Variants in EPHA7 observed in about 807,000 individuals in gnomAD.
The protein encoded by EPHA7 is EPH receptor A7.
A neutral mutation model predicts 112.6 loss-of-function variants in EPHA7; 25 were observed. That is an observed-to-expected ratio of 0.22 (90% CI 0.16 to 0.31). EPHA7 has a LOEUF of 0.31. Among genes scored for constraint, EPHA7 ranks in the 10% least tolerant of loss-of-function variants. The pLI, the probability that EPHA7 is intolerant of heterozygous loss-of-function variation, is 1.00. For synonymous variants in EPHA7, 437 were observed against 406.5 expected, an observed-to-expected ratio of 1.07 and a Z score of -0.90; for missense variants, 962 against 1,212.6, an observed-to-expected ratio of 0.79 and a Z score of 3.07.
At chr6:93,329,971 T>G (rs1209596159) in intron 5 of EPHA7, among the ~76,000 whole-genome samples, 1 of 151,344 alleles carries the variant, frequency 6.6e-6, no homozygotes, top group Non-Finnish European at 1.5e-5. Flanking sequence ...GTTTATCTTT[T>G]TACACTAGTT....
chr6:93,241,367 A>AT lies in EPHA7; in HGVS notation c.*2058dup, dbSNP rs1769681799. 2 of 214,146 alleles carry AT rather than the reference A, an allele frequency of 9.3e-6. No individual in the cohort carries two copies. The highest frequency in any genetic ancestry group is 3.7e-4 in the South Asian group (2 of 5,382). The allele number at this position is 214,146 out of a possible 1,614,324, so 13.3% of individuals were successfully genotyped here. A position where few individuals can be genotyped will look rare whatever the true frequency, so the allele number is the denominator to read the frequency against. On this transcript the variant is annotated 3_prime_UTR_variant, in exon 17 of 17. Transcript: ENST00000369303. ...AGAATTGTAAAGTGCTGGACTTAGT[A>AT]TAAACACTTGTACACACTGCAGACA...
Position 93,243,450 on chromosome 6 carries a change from T to A in EPHA7, c.2973A>T (p.Leu991Phe). The A allele has an allele frequency of 6.2e-7, 1 of 1,613,408 alleles. No individual in the cohort carries two copies. Among genetic ancestry groups the A allele is most frequent in the South Asian group, 1.1e-5 (1 of 91,078 alleles). The change falls in exon 17 of 17, where the codon TTA becomes TTT. Residue 991 changes from leucine to phenylalanine, a missense_variant. This residue lies in a region of EPHA7 where 746 missense variants were observed against 889.2 expected (regional missense o/e 0.84). Coordinates refer to ENST00000369303, the MANE Select transcript of EPHA7 (RefSeq NM_004440.4). ...ATCACACTTGAATGCCAGTTCCATG[T>A]AAATGTAGCATTTGTGCTCTCATAG... is the stretch of plus-strand genomic sequence containing the variant. ...IQTMRAQMLH[L>F]HGTGIQV
chr6:93,260,905 ACCT>A (rs1770658640), intron 9 of EPHA7: 1 of 206,922 alleles, frequency 4.8e-6, no homozygotes, highest in Non-Finnish European at 8.4e-6. Flanking sequence ...CAATAGGTTA[ACCT>A]CCTAGATTGG....
At chr6:93,295,809 G>A (rs2127842828) in intron 5 of EPHA7, among the ~76,000 whole-genome samples, 1 of 151,412 alleles carries the variant, frequency 6.6e-6, no homozygotes, top group East Asian at 1.9e-4. Flanking sequence ...TCCTATTTAT[G>A]CCACTTATCT....
At chr6:93,248,115 GAA>G (rs66534883) in intron 14 of EPHA7, among the ~76,000 whole-genome samples, 134 of 150,424 alleles carry the variant, frequency 8.9e-4, no homozygotes, top group African/African-American at 3.2e-3. Context: ...ACCCTCTGAG[GAA>G]AAAAAAAATC....
rs918828703 is a variant in EPHA7, at chr6:93,333,796, T to C, written c.1324+22921A>G. Among the ~76,000 whole-genome samples the C allele has an allele frequency of 1.7e-3, 262 of 151,938 alleles. 3 individuals carry two copies. Among genetic ancestry groups the C allele is most frequent in the Non-Finnish European group, 1.6e-4 (11 of 67,876 alleles). On this transcript the variant is annotated intron_variant, in intron 5 of 16. Coordinates refer to ENST00000369303, the MANE Select transcript of EPHA7 (RefSeq NM_004440.4). The stretch of plus-strand genomic sequence containing the variant: ...AAACACTGCTGAAAGAAATGAGAGA[T>C]AGCACAAGCAAATAGAAAAACATTC...
rs117341478 is a variant in EPHA7, at chr6:93,405,270, T to C, written c.832+5231A>G. 7.7e-3 allele frequency among the ~76,000 whole-genome samples: 1,165 copies of C among 152,004 alleles called. 28 individuals carry two copies. The highest frequency in any genetic ancestry group is 0.037 in the Admixed American group (560 of 15,226). The stretch of plus-strand genomic sequence containing the variant: ...TTCCTTTATAATATCATTGATATTC[T>C]ATAGAGTAAGTTCAATCAAGGTGAT... On this transcript the variant is annotated intron_variant, in intron 3 of 16. Coordinates refer to ENST00000369303, the MANE Select transcript of EPHA7 (RefSeq NM_004440.4).
chr6:93,385,730 T>C (rs1207692141), intron 3 of EPHA7, among the ~76,000 whole-genome samples: 1 of 152,052 alleles, frequency 6.6e-6, no homozygotes, highest in Non-Finnish European at 1.5e-5. Context: ...ATAGATTAGA[T>C]AGCTAGATAG....
intron 5 of EPHA7, among the ~76,000 whole-genome samples, chr6:93,298,910 A>C (rs542807639): frequency 7.2e-5 from 11 of 152,270 alleles, no homozygotes; most frequent in African/African-American, 1.4e-4. Flanking sequence ...CTGCTTTATT[A>C]GTGGAATATC....
At chr6:93,419,214 C>A (rs751176306) in intron 1 of EPHA7, 31 bp downstream of exon 1, 1 of 1,581,046 alleles carries the variant, frequency 6.3e-7, no homozygotes, top group Non-Finnish European at 8.7e-7. Flanking sequence ...ATAAATAAGT[C>A]AGAACAAACT....
At chr6:93,246,717 T>A in intron 15 of EPHA7, 75 bp downstream of exon 15, 3 of 1,242,322 alleles carry the variant, frequency 2.4e-6, no homozygotes, top group Non-Finnish European at 3.4e-6. Flanking sequence ...GCCATTGTGG[T>A]GGGGTGGAGG....
intron 3 of EPHA7, among the ~76,000 whole-genome samples, chr6:93,405,208 TTG>T (rs1269094880): frequency 6.6e-6 from 1 of 151,890 alleles, no homozygotes; most frequent in African/African-American, 2.4e-5. Flanking sequence ...ATACAAATTT[TTG>T]TTTTTCATTC....
At chr6:93,387,924 C>CAGACAGACAGATAGATAGATAGAT (rs1310430859) in intron 3 of EPHA7, among the ~76,000 whole-genome samples, 118 of 145,680 alleles carry the variant, frequency 8.1e-4, no homozygotes, top group South Asian at 1.1e-3. Context: ...GATAGATAGA[C>CAGACAGACAGATAGATAGATAGAT]AGATAGATAG....
chr6:93,264,694 C>T lies in EPHA7; in HGVS notation c.1642G>A (p.Val548Ile). Residue 548 changes from valine (V) to isoleucine (I), a missense_variant, in exon 8 of 17, where the codon GTC becomes ATC. Around this residue, in one of 3 missense-constraint regions of EPHA7, gnomAD observed 746 missense variants for 889.2 expected, o/e 0.84. Transcript: ENST00000369303. The part of the protein sequence containing the change: ...ATGKMFEATA[V>I]SSEQNPVIII... ...ATAACAGGATTCTGTTCACTGGAGACAGCTGTAGCTGTAAACAGAGGAAAT... is the reference window on the plus strand; with the variant it reads ...ATAACAGGATTCTGTTCACTGGAGATAGCTGTAGCTGTAAACAGAGGAAAT... 1 of 1,599,106 alleles carries T rather than the reference C, an allele frequency of 6.3e-7. No homozygotes were observed. The highest frequency in any genetic ancestry group is 8.5e-7 in the Non-Finnish European group (1 of 1,171,212).
intron 14 of EPHA7, among the ~76,000 whole-genome samples, chr6:93,248,408 G>A (rs958099213): frequency 6.6e-6 from 1 of 151,500 alleles, no homozygotes; most frequent in Admixed American, 6.6e-5. Context: ...GTAAATAGAT[G>A]GACTTAGTTA....
At chr6:93,403,659 C>A (rs755735285) in intron 3 of EPHA7, among the ~76,000 whole-genome samples, 4 of 136,292 alleles carry the variant, frequency 2.9e-5, no homozygotes, top group Non-Finnish European at 6.3e-5. Flanking sequence ...ACACTCATCT[C>A]TTAAAAAAAA....
intron 6 of EPHA7, 59 bp from the exon 7 acceptor site, chr6:93,269,719 C>T: frequency 7.6e-7 from 1 of 1,320,926 alleles, no homozygotes; most frequent in Non-Finnish European, 1.0e-6. Context: ...AATTTGACAG[C>T]CAACTGTTTC....
intron 14 of EPHA7, 114 bp from the exon 15 acceptor site, chr6:93,247,099 CA>C: frequency 1.1e-6 from 1 of 948,362 alleles, no homozygotes; most frequent in Admixed American, 3.0e-5. Context: ...CAATGCTTCA[CA>C]AAAGACTTAC....
chr6:93,244,320 A>G (rs993872725), intron 16 of EPHA7, among the ~76,000 whole-genome samples: 2 of 152,094 alleles, frequency 1.3e-5, no homozygotes, highest in Non-Finnish European at 2.9e-5. Flanking sequence ...TAGTGACTGG[A>G]AGAAAACTGA....
Sources: allele counts gnomAD v4.1 joint callset (sites outside exome capture counted in the v4.1 genomes callset), GRCh38; gene constraint gnomAD v4.1.1; regional missense constraint gnomAD v4.1.1; transcripts MANE v1.5; gene names NCBI Gene and HGNC (gene_info 2026-07-23, HGNC 2026-07-21).